The following OCA2 variants were observed in gnomAD, a reference collection of about 807,000 sequenced individuals.
The protein encoded by OCA2 is OCA2 melanosomal transmembrane protein, also known as P protein.
OCA2 carries 77 observed loss-of-function variants against 100.2 expected under a neutral mutation model. That is an observed-to-expected ratio of 0.77 (90% CI 0.64 to 0.93). The LOEUF (loss-of-function observed/expected upper bound fraction) is 0.93, where lower values mean the gene tolerates loss of function less well. Among genes scored for constraint, OCA2 ranks in the 40% least tolerant of loss-of-function variants. The pLI is 0.00. For missense variants in OCA2, 1,062 were observed against 1,089.1 expected, an observed-to-expected ratio of 0.98 and a Z score of 0.35; for synonymous variants, 432 against 439.2, an observed-to-expected ratio of 0.98 and a Z score of 0.21.
intron 2 of OCA2, among the ~76,000 whole-genome samples, chr15:28,060,419 C>T (rs2043837577): frequency 6.6e-6 from 1 of 152,212 alleles, no homozygotes; most frequent in South Asian, 2.1e-4. Context: ...CTGTTCTAAG[C>T]CAAACCTAAT....
chr15:27,832,166 T>C (rs926087361), intron 23 of OCA2, among the ~76,000 whole-genome samples: 23 of 152,246 alleles, frequency 1.5e-4, no homozygotes, highest in African/African-American at 5.3e-4. Flanking sequence ...CTGATGTGCC[T>C]TTGAGTTTTC....
chr15:27,818,505 CA>C (rs35235647), intron 23 of OCA2, among the ~76,000 whole-genome samples: 1 of 152,136 alleles, frequency 6.6e-6, no homozygotes, highest in Non-Finnish European at 1.5e-5. Flanking sequence ...ATGAATGCCA[CA>C]AAAGAGTTGT....
Position 27,822,729 on chromosome 15 carries a change from G to A in OCA2, c.2432+22230C>T, listed in dbSNP as rs190950397. Among the ~76,000 whole-genome samples the A allele has an allele frequency of 6.4e-4, 97 of 152,234 alleles. 2 individuals are homozygous for A. Among genetic ancestry groups the A allele is most frequent in the African/African-American group, 2.3e-3 (94 of 41,550 alleles). On this transcript the variant is annotated intron_variant, in intron 23 of 23. Coordinates refer to ENST00000354638, the MANE Select transcript of OCA2 (RefSeq NM_000275.3). ...AGAGTGAAATTGCTCATTTTTCTAT[G>A]GGGTGGTCTGGGGTTTTTCCTAATT...
chr15:27,828,905 G>A (rs540774295), intron 23 of OCA2, among the ~76,000 whole-genome samples: 80 of 152,308 alleles, frequency 5.3e-4, no homozygotes, highest in African/African-American at 1.9e-3. Context: ...CCTCTCAAGC[G>A]TGCTAGAAGA....
At chr15:27,824,197 A>G (rs2034611535) in intron 23 of OCA2, among the ~76,000 whole-genome samples, 1 of 152,020 alleles carries the variant, frequency 6.6e-6, no homozygotes, top group Non-Finnish European at 1.5e-5. Flanking sequence ...GCAAAACTCC[A>G]TCTCTACTAA....
At chr15:27,925,963 G>A (rs2039026831) in intron 19 of OCA2, among the ~76,000 whole-genome samples, 164 bp downstream of exon 19, 1 of 152,152 alleles carries the variant, frequency 6.6e-6, no homozygotes, top group African/African-American at 2.4e-5. Flanking sequence ...AGTGGCTAAG[G>A]TAAAGCTGGT....
At chr15:27,936,998 C>A (rs374861730) in intron 18 of OCA2, among the ~76,000 whole-genome samples, 1 of 151,962 alleles carries the variant, frequency 6.6e-6, no homozygotes, top group South Asian at 2.1e-4. Flanking sequence ...GGGGAGGGGA[C>A]GCTGCTGACT....
intron 18 of OCA2, among the ~76,000 whole-genome samples, chr15:27,942,208 A>G (rs549003619): frequency 4.0e-5 from 6 of 148,624 alleles, no homozygotes; most frequent in Non-Finnish European, 8.9e-5. Flanking sequence ...ATATATTACT[A>G]TATATAATAT....
intron 19 of OCA2, among the ~76,000 whole-genome samples, chr15:27,914,709 G>C (rs113282997): frequency 0.018 from 2,770 of 152,162 alleles, 84 homozygotes; most frequent in African/African-American, 0.063. Context: ...AAATAAATCA[G>C]TGATGACACA....
intron 1 of OCA2, among the ~76,000 whole-genome samples, chr15:28,082,847 C>G (rs1726190501): frequency 6.6e-6 from 1 of 152,040 alleles, no homozygotes; most frequent in South Asian, 2.1e-4. Context: ...ATAATAATAC[C>G]TACAATAAAA....
intron 18 of OCA2, among the ~76,000 whole-genome samples, chr15:27,945,249 T>A (rs1279065093): frequency 6.6e-6 from 1 of 152,134 alleles, no homozygotes; most frequent in East Asian, 1.9e-4. Context: ...CTTGTTCCCG[T>A]CCACCTGCTC....
intron 1 of OCA2, among the ~76,000 whole-genome samples, chr15:28,089,414 T>C (rs918239938): frequency 5.6e-4 from 85 of 152,184 alleles, no homozygotes; most frequent in African/African-American, 1.8e-3. Context: ...TGTAAAGAGA[T>C]TGCAGTAAAG....
intron 18 of OCA2, among the ~76,000 whole-genome samples, chr15:27,937,991 T>C (rs942740284): frequency 6.6e-6 from 1 of 152,152 alleles, no homozygotes; most frequent in Non-Finnish European, 1.5e-5. Context: ...GTCACAAATA[T>C]AAATAAGAAA....
chr15:27,743,022 C>T, the OCA2 span, among the ~76,000 whole-genome samples: 1 of 152,226 alleles, frequency 6.6e-6, no homozygotes, highest in Non-Finnish European at 1.5e-5. Context: ...GCATAAAATG[C>T]CATCAGGGTA....
intron 18 of OCA2, among the ~76,000 whole-genome samples, chr15:27,929,899 A>G (rs1363604769): frequency 6.6e-6 from 1 of 151,046 alleles, no homozygotes; most frequent in Non-Finnish European, 1.5e-5. Flanking sequence ...GTCAAATATC[A>G]CTAGCCATTA....
intron 2 of OCA2, among the ~76,000 whole-genome samples, chr15:28,044,537 C>T (rs2043292830): frequency 6.6e-6 from 1 of 152,180 alleles, no homozygotes; most frequent in Non-Finnish European, 1.5e-5. Context: ...GGCAATTATC[C>T]CTGCCACGTG....
chr15:27,752,226 G>A (rs922836824), downstream of OCA2, among the ~76,000 whole-genome samples: 7 of 152,322 alleles, frequency 4.6e-5, no homozygotes, highest in East Asian at 3.9e-4. Context: ...TGTCCTCACC[G>A]TCCCTGTGGT....
chr15:28,036,429 G>A (rs1050608103), intron 2 of OCA2, among the ~76,000 whole-genome samples: 1 of 152,060 alleles, frequency 6.6e-6, no homozygotes, highest in Non-Finnish European at 1.5e-5. Flanking sequence ...ACTAGTCCTC[G>A]GTATCAGCCA....
At chr15:28,065,715 G>A (rs2044003228) in intron 2 of OCA2, among the ~76,000 whole-genome samples, 1 of 151,984 alleles carries the variant, frequency 6.6e-6, no homozygotes, top group Non-Finnish European at 1.5e-5. Flanking sequence ...TAAATTAGGG[G>A]GAAACTGTCA....
Sources: gnomAD v4.1 joint callset for allele counts (sites outside exome capture counted in the v4.1 genomes callset) on GRCh38, gnomAD v4.1.1 for gene constraint, MANE v1.5 for transcripts, NCBI Gene and HGNC (gene_info 2026-07-23, HGNC 2026-07-21) for gene names.